ALKBH3: variants seen among roughly 807,000 people sequenced by gnomAD.
ALKBH3 encodes the protein alkB homolog 3, alpha-ketoglutarate dependent dioxygenase, also known as alpha-ketoglutarate-dependent dioxygenase alkB homolog 3.
Under a neutral mutation model 43.9 loss-of-function variants are expected in ALKBH3, and 51 were observed. The ratio of observed to expected loss-of-function variants is 1.16; its 90% CI spans 0.93 to 1.47. The LOEUF (loss-of-function observed/expected upper bound fraction) is 1.47, where lower values mean the gene tolerates loss of function less well. Among genes scored for constraint, ALKBH3 ranks in the 40% most tolerant of loss-of-function variants. The pLI is 0.00. For missense variants in ALKBH3, 361 were observed against 351.9 expected (o/e 1.03, Z -0.21); for synonymous variants, 102 against 115.2 (o/e 0.89, Z 0.73).
chr11:43,881,084 C>T lies in ALKBH3; in HGVS notation c.-166C>T, dbSNP rs1321048368. On this transcript the variant is annotated 5_prime_UTR_variant, in exon 1 of 10. Coordinates refer to ENST00000302708, the MANE Select transcript of ALKBH3 (RefSeq NM_139178.4). ...GAAAAGGAAGTGCCCTTATCCACGA[C>T]CAAGCTCTTCCACCTGCGGAGCTCG... 1 of 152,506 alleles carries T rather than the reference C, an allele frequency of 6.6e-6. No homozygotes were observed. The highest frequency in any genetic ancestry group is 1.5e-5 in the Non-Finnish European group (1 of 68,250). 9.4% of individuals were successfully genotyped at this position (152,506 alleles called of 1,614,324 possible).
chr11:43,901,366 C>T (rs1951862589), intron 7 of ALKBH3, 150 bp from the exon 8 acceptor site: 2 of 768,380 alleles, frequency 2.6e-6, no homozygotes, highest in South Asian at 3.8e-5. Flanking sequence ...CTTTTCTTGC[C>T]TTCTGTTTAT....
intron 7 of ALKBH3, chr11:43,898,011 G>A (rs549734071): frequency 3.0e-5 from 26 of 860,198 alleles, no homozygotes; most frequent in Non-Finnish European, 4.5e-5. Context: ...AGACATCTTC[G>A]TCATCCTGCA....
At chr11:43,881,215 GT>G (rs1218203727) in intron 1 of ALKBH3, 36 bp downstream of exon 1, 1 of 152,316 alleles carries the variant, frequency 6.6e-6, no homozygotes. Flanking sequence ...CAGCTGGGAA[GT>G]GACAGATCTG....
intron 8 of ALKBH3, among the ~76,000 whole-genome samples, chr11:43,913,422 A>G (rs1321536164): frequency 6.6e-6 from 1 of 152,174 alleles, no homozygotes; most frequent in African/African-American, 2.4e-5. Context: ...TTAAGTGATA[A>G]TGGCCTCTAA....
At chr11:43,892,542 G>A (rs1298820506) in intron 7 of ALKBH3, among the ~76,000 whole-genome samples, 1 of 152,086 alleles carries the variant, frequency 6.6e-6, no homozygotes, top group Non-Finnish European at 1.5e-5. Flanking sequence ...TGTTTTTCTT[G>A]TTAACTTTGT....
chr11:43,882,242 A>G (rs1401331134), intron 1 of ALKBH3, among the ~76,000 whole-genome samples: 2 of 152,206 alleles, frequency 1.3e-5, no homozygotes, highest in East Asian at 1.9e-4. Flanking sequence ...CTCAATGTCC[A>G]TGTAGGTGAA....
At chr11:43,890,468 ATT>A (rs994315375) in intron 6 of ALKBH3, among the ~76,000 whole-genome samples, 1 of 152,056 alleles carries the variant, frequency 6.6e-6, no homozygotes, top group Non-Finnish European at 1.5e-5. Context: ...GTGAATTTAA[ATT>A]TTCTGTAAAG....
intron 5 of ALKBH3, among the ~76,000 whole-genome samples, chr11:43,888,773 G>A (rs1193257315): frequency 6.6e-6 from 1 of 152,224 alleles, no homozygotes; most frequent in Non-Finnish European, 1.5e-5. Flanking sequence ...AAAGAGTGAA[G>A]ATTTGCTACC....
intron 7 of ALKBH3, among the ~76,000 whole-genome samples, chr11:43,896,002 G>A (rs868194121): frequency 2.0e-5 from 3 of 152,180 alleles, no homozygotes; most frequent in Non-Finnish European, 4.4e-5. Flanking sequence ...GTGATTGTTT[G>A]AGCTGTAAGC....
rs561042919 is a variant in ALKBH3 at position 43,914,157 on chromosome 11, A to G, written c.670-4881A>G. ...AGGACAGGAAATATTAGGATTTCAG[A>G]AGGAATAGAGCTTACCTTGGAGAGC... On this transcript the variant is annotated intron_variant, in intron 8 of 9. Transcript: ENST00000302708. Among the ~76,000 whole-genome samples the G allele has an allele frequency of 5.9e-5, 9 of 152,332 alleles. No homozygotes were observed. The South Asian group carries it at 1.9e-3, about 32-fold the overall frequency.
In ALKBH3 at chr11:43,884,018, G is replaced by A. The variant is rs1253776607; in HGVS notation, c.218+1G>A. The stretch of plus-strand genomic sequence containing the variant: ...GAGCTCCTGAGCCACGAGTGATTGA[G>A]TAAGTAATTTGCTGTCTTCCTGTAA... On this transcript the variant is annotated splice_donor_variant, in intron 4 of 9. Transcript: ENST00000302708. LOFTEE classifies it high-confidence loss of function. 1.2e-6 allele frequency: 2 copies of A among 1,613,796 alleles called. No individual in the cohort carries two copies. The highest frequency in any genetic ancestry group is 2.7e-5 in the African/African-American group (2 of 74,902).
chr11:43,913,621 T>C (rs898048311), intron 8 of ALKBH3, among the ~76,000 whole-genome samples: 1 of 152,210 alleles, frequency 6.6e-6, no homozygotes, highest in Non-Finnish European at 1.5e-5. Flanking sequence ...AAGATGATAT[T>C]TGAAGATGAA....
In ALKBH3 at chr11:43,893,574, A is replaced by C. The variant is rs555282788; in HGVS notation, c.459+1445A>C. On this transcript the variant is annotated intron_variant, in intron 7 of 9. Coordinates refer to ENST00000302708, the MANE Select transcript of ALKBH3 (RefSeq NM_139178.4). ...GAATATTAAAATTCTTGATAATTCT[A>C]CCCCATGTTTTGGTTCCAATCTTGT... Among the ~76,000 whole-genome samples, 11 of 152,210 alleles carry C rather than the reference A, an allele frequency of 7.2e-5. No homozygotes were observed. In the South Asian group the frequency reaches 2.3e-3, roughly 32 times the overall value.
At chr11:43,881,272 A>G (rs941088697) in intron 1 of ALKBH3, 93 bp downstream of exon 1, 10 of 152,318 alleles carry the variant, frequency 6.6e-5, no homozygotes, top group African/African-American at 2.4e-4. Context: ...TGTATTTTAC[A>G]GCACTGGTTC....
intron 8 of ALKBH3, among the ~76,000 whole-genome samples, chr11:43,915,834 C>G (rs1367180337): frequency 4.6e-5 from 7 of 152,180 alleles, no homozygotes; most frequent in Non-Finnish European, 1.0e-4. Context: ...AGGCGATTTT[C>G]TACATTTTCT....
At chr11:43,901,790 C>T in intron 8 of ALKBH3, 65 bp downstream of exon 8, 1 of 1,536,268 alleles carries the variant, frequency 6.5e-7, no homozygotes, top group East Asian at 2.2e-5. Context: ...AGTAGAACTC[C>T]TAAAAGCTTC....
In ALKBH3 at chr11:43,919,852, A is replaced by C. The variant is rs531725022; in HGVS notation, c.769-66A>C. ...TTCTGCATTCTCATGAATAAGTTTTAAGTCGCTTTGAACTAAAAGTGTGTA... is the reference window on the plus strand; with the variant it reads ...TTCTGCATTCTCATGAATAAGTTTTCAGTCGCTTTGAACTAAAAGTGTGTA... On this transcript the variant is annotated intron_variant, in intron 9 of 9. Transcript: ENST00000302708. 1,783 of 1,399,294 alleles carry C rather than the reference A, an allele frequency of 1.3e-3. 23 individuals are homozygous for C. The highest frequency in any genetic ancestry group is 2.7e-4 in the Non-Finnish European group (269 of 986,978). 86.7% of individuals were successfully genotyped at this position (1,399,294 alleles called of 1,614,324 possible).
At chr11:43,919,473 G>A in intron 9 of ALKBH3, 1 of 310,526 alleles carries the variant, frequency 3.2e-6, no homozygotes, top group Non-Finnish European at 5.9e-6. Context: ...AATTTAAATA[G>A]CTTCAGGGTA....
At chr11:43,898,658 A>T (rs1951838133) in intron 7 of ALKBH3, 1 of 725,876 alleles carries the variant, frequency 1.4e-6, no homozygotes, top group African/African-American at 1.7e-5. Flanking sequence ...TGGAGACCTG[A>T]TGTCAAAGTG....
Sources: allele counts gnomAD v4.1 joint callset (sites outside exome capture counted in the v4.1 genomes callset), GRCh38; gene constraint gnomAD v4.1.1; transcripts MANE v1.5; gene names NCBI Gene and HGNC (gene_info 2026-07-23, HGNC 2026-07-21).